The following TRAP1 variants were observed in gnomAD, a reference collection of about 807,000 sequenced individuals.
TRAP1 encodes the protein heat shock protein 75 kDa, mitochondrial.
Under a neutral mutation model 89.1 loss-of-function variants are expected in TRAP1, and 102 were observed. That is an observed-to-expected ratio of 1.15 (90% confidence interval 0.98 to 1.35). The LOEUF (loss-of-function observed/expected upper bound fraction) is 1.35, where lower values mean the gene tolerates loss of function less well. Ranked by LOEUF, TRAP1 falls within the 40% of genes most tolerant of loss-of-function variation. The pLI, the probability that TRAP1 is intolerant of heterozygous loss-of-function variation, is 0.00. For missense variants in TRAP1, 1,256 were observed against 945.3 expected (o/e 1.33, Z -4.31); for synonymous variants, 508 against 388.0 (o/e 1.31, Z -3.64).
At chr16:3,666,162 G>A (rs2050825440) in intron 11 of TRAP1, 44 bp from the exon 12 acceptor site, 1 of 1,580,816 alleles carries the variant, frequency 6.3e-7, no homozygotes, top group South Asian at 1.2e-5. Context: ...CAGCCTCTAT[G>A]AAATACAAAT....
chr16:3,659,757 A>C (rs982586643), intron 16 of TRAP1: 8 of 131,360 alleles, frequency 6.1e-5, no homozygotes, highest in African/African-American at 2.1e-4. Context: ...TTTTAGATAG[A>C]TAGATAGATA....
chr16:3,695,755 G>T (rs78742968), intron 1 of TRAP1, among the ~76,000 whole-genome samples: 1 of 152,136 alleles, frequency 6.6e-6, no homozygotes, highest in African/African-American at 2.4e-5. Context: ...CCATCACCAG[G>T]CTCGGGCAGG....
rs752086998 is a variant in TRAP1 at position 3,690,931 on chromosome 16, T to C, written c.143A>G (p.Asn48Ser). 1.0e-5 allele frequency: 16 copies of C among 1,587,534 alleles called. No homozygotes were observed. The highest frequency in any genetic ancestry group is 1.4e-5 in the Non-Finnish European group (16 of 1,167,310). Residue 48 changes from asparagine to serine, a missense_variant, in exon 2 of 18, where the codon AAC becomes AGC. Asn to Ser is a conservative substitution (Grantham distance 46, BLOSUM62 1). Coordinates refer to ENST00000246957, the MANE Select transcript of TRAP1 (RefSeq NM_016292.3). ...RTTAQLGPRR[N>S]PAWSLQAGRL... ...TCCTGCCTGCAAGCTCCAGGCTGGG[T>C]TTCGCCTGGGGCCCAACTGGGCTGT...
chr16:3,709,795 C>A, intron 1 of TRAP1, among the ~76,000 whole-genome samples: 1 of 152,144 alleles, frequency 6.6e-6, no homozygotes, highest in East Asian at 1.9e-4. Context: ...GGATTACAGG[C>A]ATGCGCCACC....
At chr16:3,714,353 C>A (rs915522283) in intron 1 of TRAP1, among the ~76,000 whole-genome samples, 1 of 152,200 alleles carries the variant, frequency 6.6e-6, no homozygotes, top group Non-Finnish European at 1.5e-5. Context: ...TCCTAGCCCA[C>A]CCCTCACAGA....
At chr16:3,707,346 C>T (rs1167822557) in intron 1 of TRAP1, among the ~76,000 whole-genome samples, 3 of 151,310 alleles carry the variant, frequency 2.0e-5, no homozygotes, top group Non-Finnish European at 4.4e-5. Context: ...CCACCACACC[C>T]GGCTAATGTT....
chr16:3,692,834 G>A (rs1224138079), intron 1 of TRAP1, among the ~76,000 whole-genome samples: 1 of 151,822 alleles, frequency 6.6e-6, no homozygotes, highest in Non-Finnish European at 1.5e-5. Context: ...CTTGACCTCA[G>A]GCGATCTGCC....
chr16:3,680,930 A>G (rs991295099), intron 4 of TRAP1, among the ~76,000 whole-genome samples: 10 of 152,132 alleles, frequency 6.6e-5, no homozygotes, highest in African/African-American at 2.4e-4. Context: ...ACTGTAAGCA[A>G]TAGGGTTCTG....
intron 4 of TRAP1, among the ~76,000 whole-genome samples, chr16:3,681,830 C>A (rs1274698846): frequency 2.0e-5 from 3 of 152,052 alleles, no homozygotes; most frequent in Non-Finnish European, 4.4e-5. Context: ...AGTCTAAATC[C>A]TCACAGGTTT....
intron 3 of TRAP1, among the ~76,000 whole-genome samples, chr16:3,687,703 G>A (rs1013379205): frequency 1.3e-5 from 2 of 151,854 alleles, no homozygotes; most frequent in Admixed American, 6.6e-5. Flanking sequence ...GGGCAACACG[G>A]CAAAACTCCG....
intron 9 of TRAP1, 110 bp from the exon 10 acceptor site, chr16:3,672,930 C>A: frequency 7.0e-7 from 1 of 1,430,070 alleles, no homozygotes; most frequent in Non-Finnish European, 9.2e-7. Context: ...CCGCCTCGCC[C>A]TCCCCCAGCG....
intron 11 of TRAP1, among the ~76,000 whole-genome samples, chr16:3,667,159 G>A (rs758032939): frequency 6.6e-6 from 1 of 152,120 alleles, no homozygotes; most frequent in African/African-American, 2.4e-5. Flanking sequence ...GAAGAGCCTG[G>A]TATGGGTGTC....
intron 3 of TRAP1, among the ~76,000 whole-genome samples, chr16:3,686,458 C>T (rs904923405): frequency 6.6e-6 from 1 of 152,172 alleles, no homozygotes; most frequent in African/African-American, 2.4e-5. Context: ...GCTGGGCCCA[C>T]AGGCATGCAC....
chr16:3,696,730 T>A (rs1403600555), intron 1 of TRAP1, among the ~76,000 whole-genome samples: 1 of 151,118 alleles, frequency 6.6e-6, no homozygotes, highest in Non-Finnish European at 1.5e-5. Flanking sequence ...GCTAATTTTT[T>A]TTTTCTTTTT....
chr16:3,664,067 AAAC>A, intron 13 of TRAP1: 1 of 558,328 alleles, frequency 1.8e-6, no homozygotes, highest in Non-Finnish European at 3.0e-6. Context: ...CATCTCAAAA[AAAC>A]AAAAAACAAA....
In TRAP1 at chr16:3,675,361, G is replaced by T. The variant is rs1472544228; in HGVS notation, c.851C>A (p.Pro284His). 1 of 1,614,102 alleles carries T rather than the reference G, an allele frequency of 6.2e-7. No homozygotes were observed. Among genetic ancestry groups the T allele is most frequent in the South Asian group, 1.1e-5 (1 of 91,070 alleles). ...VTKYSNFVSFPLYLNGRRMNT... is the reference protein window; with the variant it reads ...VTKYSNFVSFHLYLNGRRMNT... ...CATCCGCCTTCCATTCAAGTACAAG[G>T]GGAAGCTGACGAAGTTGCTGTACTT... The change falls in exon 8 of 18, where the codon CCC becomes CAC. Residue 284 changes from proline (P) to histidine (H), a missense_variant. Physicochemically the swap from Pro to His is moderately conservative, Grantham distance 77. Transcript: ENST00000246957.
At chr16:3,675,522 G>A (rs1206421279) in intron 7 of TRAP1, 125 bp from the exon 8 acceptor site, 11 of 880,226 alleles carry the variant, frequency 1.2e-5, no homozygotes, top group Non-Finnish European at 2.0e-5. Context: ...ACACTTCACA[G>A]GTACAGAAAC....
intron 16 of TRAP1, 156 bp downstream of exon 16, chr16:3,661,831 G>C (rs1294131493): frequency 1.0e-6 from 1 of 962,116 alleles, no homozygotes; most frequent in African/African-American, 1.7e-5. Flanking sequence ...CATTTCACAT[G>C]GGTGCAGCCT....
At chr16:3,700,905 C>A (rs999197444) in intron 1 of TRAP1, among the ~76,000 whole-genome samples, 2 of 152,058 alleles carry the variant, frequency 1.3e-5, no homozygotes, top group Non-Finnish European at 2.9e-5. Flanking sequence ...GGGAAAAAAT[C>A]CAAAAGGACA....
Sources: gnomAD v4.1 joint callset for allele counts (sites outside exome capture counted in the v4.1 genomes callset) on GRCh38, gnomAD v4.1.1 for gene constraint, MANE v1.5 for transcripts, NCBI Gene and HGNC (gene_info 2026-07-23, HGNC 2026-07-21) for gene names.